The following OCA2 variants were observed in gnomAD, a reference collection of about 807,000 sequenced individuals.
OCA2 encodes the protein OCA2 melanosomal transmembrane protein, also known as P protein.
In OCA2, 77 loss-of-function variants were observed where a neutral mutation model predicts 100.2. The observed-to-expected ratio is 0.77, with a 90% CI of 0.64 to 0.93. The LOEUF is 0.93. Among genes scored for constraint, OCA2 ranks in the 40% least tolerant of loss-of-function variants. The pLI, the probability that OCA2 is intolerant of heterozygous loss-of-function variation, is 0.00. For missense variants in OCA2, 1,062 were observed against 1,089.1 expected (o/e 0.98, Z 0.35); for synonymous variants, 432 against 439.2 (o/e 0.98, Z 0.21).
chr15:27,828,134 C>A (rs2034806490), intron 23 of OCA2, among the ~76,000 whole-genome samples: 1 of 152,138 alleles, frequency 6.6e-6, no homozygotes, highest in African/African-American at 2.4e-5. Flanking sequence ...GGCGCCAGGG[C>A]CCTGTCTGCC....
intron 23 of OCA2, among the ~76,000 whole-genome samples, chr15:27,804,843 C>A (rs1278703331): frequency 1.3e-5 from 2 of 152,228 alleles, no homozygotes; most frequent in Non-Finnish European, 2.9e-5. Flanking sequence ...CCAGGCAGGC[C>A]TGTTCCTTAG....
At chr15:28,032,809 AC>A (rs1215362537) in intron 2 of OCA2, among the ~76,000 whole-genome samples, 257 of 146,516 alleles carry the variant, frequency 1.8e-3, no homozygotes, top group African/African-American at 5.1e-3. Flanking sequence ...AAAAAAAAAA[AC>A]AAAACAAAAA....
intron 23 of OCA2, among the ~76,000 whole-genome samples, chr15:27,807,419 G>T (rs1345435787): frequency 6.6e-6 from 1 of 152,178 alleles, no homozygotes; most frequent in African/African-American, 2.4e-5. Flanking sequence ...CCTTTGCCCA[G>T]TGTGTCCCCA....
intron 15 of OCA2, among the ~76,000 whole-genome samples, chr15:27,965,561 G>T (rs1458907220): frequency 6.6e-6 from 1 of 152,170 alleles, no homozygotes; most frequent in Non-Finnish European, 1.5e-5. Context: ...ACCATGTCGT[G>T]GCCTCCAGCC....
intron 23 of OCA2, among the ~76,000 whole-genome samples, chr15:27,825,915 G>A (rs2151292534): frequency 6.6e-6 from 1 of 152,314 alleles, no homozygotes; most frequent in Admixed American, 6.5e-5. Context: ...ATCTGAATTT[G>A]TGCAATAGAT....
intron 15 of OCA2, among the ~76,000 whole-genome samples, chr15:27,962,700 T>C (rs2040445221): frequency 6.6e-6 from 1 of 152,078 alleles, no homozygotes; most frequent in South Asian, 2.1e-4. Context: ...AAATATAGAA[T>C]GTATTTAAAT....
chr15:27,784,301 G>A (rs546441354), intron 23 of OCA2, among the ~76,000 whole-genome samples: 65 of 152,186 alleles, frequency 4.3e-4, no homozygotes, highest in Non-Finnish European at 2.8e-4. Context: ...AGGTTAGGGT[G>A]CATTGAGGGT....
At chr15:27,900,961 TTAAC>T (rs2140174711) in intron 19 of OCA2, among the ~76,000 whole-genome samples, 1 of 152,252 alleles carries the variant, frequency 6.6e-6, no homozygotes, top group Non-Finnish European at 1.5e-5. Flanking sequence ...AAGAAGTGAG[TTAAC>T]TAACAATTCA....
At chr15:27,909,065 G>A (rs1463219530) in intron 19 of OCA2, among the ~76,000 whole-genome samples, 3 of 151,768 alleles carry the variant, frequency 2.0e-5, no homozygotes, top group Admixed American at 6.6e-5. Context: ...TATCAACTAA[G>A]GATAAATTAA....
chr15:28,035,510 A>G (rs544767064), intron 2 of OCA2, among the ~76,000 whole-genome samples: 1 of 152,230 alleles, frequency 6.6e-6, no homozygotes, highest in Non-Finnish European at 1.5e-5. Context: ...AGGATTGCCC[A>G]AAAACATTTT....
intron 15 of OCA2, among the ~76,000 whole-genome samples, chr15:27,961,095 C>T (rs988133586): frequency 7.2e-5 from 11 of 151,958 alleles, no homozygotes; most frequent in Non-Finnish European, 1.2e-4. Context: ...AGAACTTAAA[C>T]AAATTTACAA....
chr15:27,737,106 A>T, the OCA2 span, among the ~76,000 whole-genome samples: 1 of 152,230 alleles, frequency 6.6e-6, no homozygotes, highest in African/African-American at 2.4e-5. Flanking sequence ...CAATAGCCTC[A>T]AAGAACATCA....
chr15:27,960,541 C>T (rs1159876367), intron 15 of OCA2, among the ~76,000 whole-genome samples: 1 of 152,186 alleles, frequency 6.6e-6, no homozygotes, highest in East Asian at 1.9e-4. Flanking sequence ...CCTTTAACTA[C>T]AGTCACTTGC....
At chr15:28,042,343 C>A (rs1042427946) in intron 2 of OCA2, among the ~76,000 whole-genome samples, 1 of 151,840 alleles carries the variant, frequency 6.6e-6, no homozygotes, top group Admixed American at 6.6e-5. Context: ...AAAATGCCTT[C>A]GGGCCAGGTG....
intron 2 of OCA2, among the ~76,000 whole-genome samples, chr15:28,079,909 G>A (rs983051020): frequency 2.6e-5 from 4 of 152,114 alleles, no homozygotes; most frequent in African/African-American, 9.7e-5. Flanking sequence ...ATCCTGCCTG[G>A]CTGCCCAGGG....
the OCA2 span, among the ~76,000 whole-genome samples, chr15:27,730,569 C>A: frequency 6.7e-6 from 1 of 149,598 alleles, no homozygotes; most frequent in Non-Finnish European, 1.5e-5. Flanking sequence ...AAAGCTCCAA[C>A]CCTCTAATCA....
At chr15:27,808,642 T>C (rs1451039683) in intron 23 of OCA2, among the ~76,000 whole-genome samples, 1 of 151,906 alleles carries the variant, frequency 6.6e-6, no homozygotes, top group Admixed American at 6.6e-5. Flanking sequence ...CGTGACTGAA[T>C]TGACAGAAAA....
At chr15:28,021,851 G>A (rs769112706) in intron 6 of OCA2, among the ~76,000 whole-genome samples, 22 of 152,192 alleles carry the variant, frequency 1.4e-4, no homozygotes, top group Non-Finnish European at 2.5e-4. Context: ...GGTGGGCATA[G>A]AGCAAGGTCT....
intron 23 of OCA2, among the ~76,000 whole-genome samples, chr15:27,781,007 C>T (rs1390020417): frequency 6.6e-6 from 1 of 152,220 alleles, no homozygotes. Context: ...TGTCTCTTCT[C>T]ATAAACTTCA....
Sources: gnomAD v4.1 joint callset for allele counts (sites outside exome capture counted in the v4.1 genomes callset) on GRCh38, gnomAD v4.1.1 for gene constraint, MANE v1.5 for transcripts, NCBI Gene and HGNC (gene_info 2026-07-23, HGNC 2026-07-21) for gene names.